The following CAMTA1 variants were observed in gnomAD, a reference collection of about 807,000 sequenced individuals.
The protein encoded by CAMTA1 is calmodulin-binding transcription activator 1.
Under a neutral mutation model 170.9 loss-of-function variants are expected in CAMTA1, and 27 were observed. That is an observed-to-expected ratio of 0.16 (90% CI 0.12 to 0.22). The LOEUF (loss-of-function observed/expected upper bound fraction) is 0.22. CAMTA1 is among the 10% of genes least tolerant of loss of function. The pLI, the probability that CAMTA1 is intolerant of heterozygous loss-of-function variation, is 1.00. For synonymous variants in CAMTA1, 833 were observed against 891.5 expected (o/e 0.93, Z 1.17); for missense variants, 1,619 against 2,217.2 (o/e 0.73, Z 5.42).
Position 7,327,139 on chromosome 1 carries a change from G to A in CAMTA1, c.438+77513G>A, listed in dbSNP as rs377454994. ...ATTTAAAAGAGACCAGGAGGAGGCC[G>A]GGCGCAGTGGCTCACGCTTGTAATC... On this transcript the variant is annotated intron_variant, in intron 5 of 22. Coordinates refer to ENST00000303635, the MANE Select transcript of CAMTA1 (RefSeq NM_015215.4). 2.7e-3 allele frequency among the ~76,000 whole-genome samples: 412 copies of A among 151,886 alleles called. 1 individual carries two copies. The highest frequency in any genetic ancestry group is 8.6e-3 in the African/African-American group (358 of 41,396).
chr1:7,304,157 A>G lies in CAMTA1; in HGVS notation c.438+54531A>G, dbSNP rs924088300. Among the ~76,000 whole-genome samples the G allele has an allele frequency of 3.3e-5, 5 of 152,334 alleles. No individual in the cohort carries two copies. The South Asian group carries it at 1.0e-3, about 32-fold the overall frequency. On this transcript the variant is annotated intron_variant, in intron 5 of 22. Coordinates refer to ENST00000303635, the MANE Select transcript of CAMTA1 (RefSeq NM_015215.4). ...AAAAGGAGAGTGGCAATGATTGCACAACAATGCGAACGTCCTCAATGCCAT... is the reference window on the plus strand; with the variant it reads ...AAAAGGAGAGTGGCAATGATTGCACGACAATGCGAACGTCCTCAATGCCAT...
At chr1:7,143,157 G>A (rs1645984383) in intron 4 of CAMTA1, among the ~76,000 whole-genome samples, 1 of 152,144 alleles carries the variant, frequency 6.6e-6, no homozygotes, top group Non-Finnish European at 1.5e-5. Context: ...CTCCCATGGT[G>A]GAAGGTGGGG....
intron 3 of CAMTA1, among the ~76,000 whole-genome samples, chr1:6,859,499 G>A (rs1663827448): frequency 2.0e-5 from 3 of 152,206 alleles, no homozygotes; most frequent in Non-Finnish European, 2.9e-5. Context: ...CCTTAGAAAT[G>A]TTGTACCAGG....
At chr1:7,079,273 A>G (rs1639702943) in intron 3 of CAMTA1, among the ~76,000 whole-genome samples, 1 of 152,232 alleles carries the variant, frequency 6.6e-6, no homozygotes, top group African/African-American at 2.4e-5. Flanking sequence ...TCCACAAGTA[A>G]CTTAAATAAC....
intron 4 of CAMTA1, among the ~76,000 whole-genome samples, chr1:7,245,842 C>T (rs997905097): frequency 3.3e-5 from 5 of 152,006 alleles, no homozygotes; most frequent in Non-Finnish European, 7.4e-5. Context: ...CCAGGAAACA[C>T]CAGTCAGGGC....
At chr1:7,485,727 C>T (rs142731495) in intron 6 of CAMTA1, among the ~76,000 whole-genome samples, 1 of 152,330 alleles carries the variant, frequency 6.6e-6, no homozygotes, top group Non-Finnish European at 1.5e-5. Flanking sequence ...CCTTGCTTTG[C>T]ATGGGAAAGC....
intron 11 of CAMTA1, among the ~76,000 whole-genome samples, chr1:7,691,783 C>T (rs889984086): frequency 6.6e-6 from 1 of 152,092 alleles, no homozygotes. Context: ...GAAATGTCTG[C>T]GTGGAGGTGG....
chr1:7,061,525 G>A (rs1708205146), intron 3 of CAMTA1, among the ~76,000 whole-genome samples: 1 of 139,830 alleles, frequency 7.2e-6, no homozygotes, highest in South Asian at 2.3e-4. Flanking sequence ...GAGGGGCTCG[G>A]TTGAGTACCA....
At chr1:7,373,839 C>T (rs1017160026) in intron 5 of CAMTA1, among the ~76,000 whole-genome samples, 2 of 152,140 alleles carry the variant, frequency 1.3e-5, no homozygotes, top group African/African-American at 2.4e-5. Context: ...TGATAAAAGG[C>T]AGCATTTTCA....
intron 3 of CAMTA1, among the ~76,000 whole-genome samples, chr1:7,058,824 CT>C (rs1199568279): frequency 2.6e-5 from 4 of 152,162 alleles, no homozygotes; most frequent in African/African-American, 9.7e-5. Flanking sequence ...AATCAGACAA[CT>C]TCCAGTGACT....
chr1:7,029,104 T>G (rs1040109035), intron 3 of CAMTA1, among the ~76,000 whole-genome samples: 1 of 152,152 alleles, frequency 6.6e-6, no homozygotes, highest in Non-Finnish European at 1.5e-5. Flanking sequence ...TTAGGGTTGT[T>G]AGAGGGTAAC....
intron 6 of CAMTA1, among the ~76,000 whole-genome samples, chr1:7,528,730 A>G (rs952058405): frequency 6.6e-6 from 1 of 152,178 alleles, no homozygotes; most frequent in African/African-American, 2.4e-5. Flanking sequence ...TTAGAAAACC[A>G]CATAGCTATT....
intron 6 of CAMTA1, among the ~76,000 whole-genome samples, chr1:7,622,090 G>T (rs555861807): frequency 6.6e-6 from 1 of 152,218 alleles, no homozygotes; most frequent in Admixed American, 6.5e-5. Context: ...TGACCCTGGA[G>T]GTATGGGGGG....
At chr1:7,655,395 C>T (rs2095888707) in intron 7 of CAMTA1, among the ~76,000 whole-genome samples, 1 of 123,536 alleles carries the variant, frequency 8.1e-6, no homozygotes, top group African/African-American at 3.0e-5. Flanking sequence ...CGTATGCACA[C>T]AAATACACCC....
chr1:7,036,046 C>T (rs934648060), intron 3 of CAMTA1, among the ~76,000 whole-genome samples: 10 of 152,002 alleles, frequency 6.6e-5, no homozygotes, highest in African/African-American at 1.9e-4. Flanking sequence ...TGGACGCCTA[C>T]GTATATAGTA....
At chr1:7,073,830 ACT>A (rs1638958172) in intron 3 of CAMTA1, among the ~76,000 whole-genome samples, 1 of 152,082 alleles carries the variant, frequency 6.6e-6, no homozygotes, top group African/African-American at 2.4e-5. Context: ...CAATATAAAC[ACT>A]CTGCAAAGGA....
At chr1:6,946,188 C>CT (rs58150091) in intron 3 of CAMTA1, among the ~76,000 whole-genome samples, 65,778 of 145,388 alleles carry the variant, frequency 0.45, 14,950 homozygotes, top group East Asian at 0.58. Context: ...TCTTTCTCTT[C>CT]TTTTTTTTTT....
chr1:7,525,914 G>A (rs773765793), intron 6 of CAMTA1, among the ~76,000 whole-genome samples: 37 of 152,226 alleles, frequency 2.4e-4, no homozygotes, highest in South Asian at 8.3e-4. Flanking sequence ...CAGACCCACG[G>A]CCTGTGGGAG....
At position 6,825,161 on chromosome 1, in the gene CAMTA1, C is replaced by T. The variant is rs773938997; in HGVS notation, c.185C>T (p.Pro62Leu). The T allele has an allele frequency of 3.7e-6, 6 of 1,610,890 alleles. No homozygotes were observed. Among genetic ancestry groups the T allele is most frequent in the South Asian group, 2.2e-5 (2 of 90,516 alleles). ...CCGAAAAAGCTGCTTGAATGTCTGC[C>T]GAAATGTTCAAGTTTACCAAAAGAG... ...FLPKKLLECL[P>L]KCSSLPKERH... Residue 62 changes from proline (P) to leucine (L), a missense_variant, in exon 3 of 23, where the codon CCG (proline) becomes CTG (leucine). By Grantham distance (98) the Pro-to-Leu change is moderately conservative. Coordinates refer to ENST00000303635, the MANE Select transcript of CAMTA1 (RefSeq NM_015215.4).
Sources: gnomAD v4.1 joint callset for allele counts (sites outside exome capture counted in the v4.1 genomes callset) on GRCh38, gnomAD v4.1.1 for gene constraint, MANE v1.5 for transcripts, NCBI Gene and HGNC (gene_info 2026-07-23, HGNC 2026-07-21) for gene names.